ANO2: variants seen among roughly 807,000 people sequenced by gnomAD.
ANO2 encodes the protein anoctamin 2, also known as anoctamin-2.
Under a neutral mutation model 124.2 loss-of-function variants are expected in ANO2, and 101 were observed. The observed-to-expected ratio is 0.81, with a 90% CI of 0.69 to 0.96. ANO2 has a LOEUF of 0.96. Ranked by LOEUF, ANO2 falls within the 40% of genes least tolerant of loss-of-function variation. ANO2 has a pLI of 0.00. For missense variants in ANO2, 1,293 were observed against 1,274.5 expected, an observed-to-expected ratio of 1.01 and a Z score of -0.22; for synonymous variants, 486 against 482.5, an observed-to-expected ratio of 1.01 and a Z score of -0.09.
intron 14 of ANO2, among the ~76,000 whole-genome samples, chr12:5,707,115 T>C (rs192354842): frequency 5.9e-5 from 9 of 152,320 alleles, no homozygotes; most frequent in Non-Finnish European, 1.3e-4. Flanking sequence ...GGTGACTGAA[T>C]CATGGGGACG....
chr12:5,833,359 A>G (rs560753330), intron 4 of ANO2, among the ~76,000 whole-genome samples: 20 of 152,268 alleles, frequency 1.3e-4, no homozygotes, highest in African/African-American at 4.1e-4. Flanking sequence ...TGAGACACAG[A>G]AGTTGTATTT....
At chr12:5,738,755 T>C (rs534067952) in intron 13 of ANO2, among the ~76,000 whole-genome samples, 11 of 152,074 alleles carry the variant, frequency 7.2e-5, no homozygotes, top group Non-Finnish European at 1.6e-4. Context: ...GGCTGATTTA[T>C]TTGCATTATT....
At chr12:5,726,179 G>A (rs528743838) in intron 14 of ANO2, among the ~76,000 whole-genome samples, 10 of 150,834 alleles carry the variant, frequency 6.6e-5, no homozygotes, top group Middle Eastern at 3.5e-3. Context: ...TAAAAGTTCC[G>A]GACTCAGTAT....
chr12:5,611,950 G>A (rs1944566259), intron 19 of ANO2, among the ~76,000 whole-genome samples: 1 of 152,156 alleles, frequency 6.6e-6, no homozygotes, highest in Admixed American at 6.5e-5. Context: ...CTGATGCTGG[G>A]CTGCCTAAAA....
In ANO2 at chr12:5,945,204, C is replaced by T. The variant is rs1943053490; in HGVS notation, c.14G>A (p.Gly5Glu). Residue 5 changes from glycine to glutamate, a missense_variant, in exon 1 of 25, where the codon GGG becomes GAG. By Grantham distance (98) the Gly-to-Glu change is moderately conservative. Transcript: ENST00000682330. ...CCAGCCGGAAAACTCACCGCGCGGC[C>T]CGGGAGTCGCCATGATGTGGACGCA... MATPGPRDIPLLPGS... is the reference protein window; with the variant it reads MATPEPRDIPLLPGS... 2.3e-6 allele frequency: 3 copies of T among 1,288,696 alleles called. No individual in the cohort carries two copies. Among genetic ancestry groups the T allele is most frequent in the Non-Finnish European group, 3.0e-6 (3 of 988,232 alleles). The allele number at this position is 1,288,696 out of a possible 1,614,324, so 79.8% of individuals were successfully genotyped here. A position where few individuals can be genotyped will look rare whatever the true frequency, so the allele number is the denominator to read the frequency against.
chr12:5,652,974 A>G (rs916855852), intron 14 of ANO2, among the ~76,000 whole-genome samples: 3 of 152,188 alleles, frequency 2.0e-5, no homozygotes, highest in Non-Finnish European at 4.4e-5. Context: ...AGATTCTCCT[A>G]GGTTTTTAAT....
chr12:5,828,094 G>A (rs1015156572), intron 6 of ANO2, among the ~76,000 whole-genome samples: 1 of 152,190 alleles, frequency 6.6e-6, no homozygotes, highest in African/African-American at 2.4e-5. Flanking sequence ...AGAAATGGAC[G>A]GCAGTCACAG....
chr12:5,869,445 A>G (rs188031444), intron 3 of ANO2, among the ~76,000 whole-genome samples: 1 of 152,336 alleles, frequency 6.6e-6, no homozygotes, highest in African/African-American at 2.4e-5. Context: ...AGCAAAGCCC[A>G]GGGTAAATCT....
chr12:5,935,701 A>G (rs1648475406), intron 1 of ANO2, among the ~76,000 whole-genome samples: 1 of 152,214 alleles, frequency 6.6e-6, no homozygotes, highest in African/African-American at 2.4e-5. Context: ...TTAAAATATT[A>G]GGATTCCGCA....
intron 10 of ANO2, among the ~76,000 whole-genome samples, chr12:5,767,186 T>G (rs1951919339): frequency 6.6e-6 from 1 of 152,178 alleles, no homozygotes; most frequent in African/African-American, 2.4e-5. Context: ...TCCTGGTCCC[T>G]CAGGAGACGG....
At chr12:5,914,768 C>G (rs1322149721) in intron 3 of ANO2, among the ~76,000 whole-genome samples, 1 of 152,154 alleles carries the variant, frequency 6.6e-6, no homozygotes, top group Admixed American at 6.6e-5. Flanking sequence ...GATTTCAGGG[C>G]CTGCAAGGTG....
At chr12:5,800,915 G>A (rs1953017981) in intron 9 of ANO2, among the ~76,000 whole-genome samples, 1 of 152,184 alleles carries the variant, frequency 6.6e-6, no homozygotes, top group Non-Finnish European at 1.5e-5. Context: ...GATGCCTGAG[G>A]TCTGGGCCCT....
intron 19 of ANO2, among the ~76,000 whole-genome samples, chr12:5,610,101 ATATTT>A (rs1944422543): frequency 1.5e-5 from 2 of 133,114 alleles, no homozygotes; most frequent in South Asian, 4.4e-4. Flanking sequence ...TATTTATATT[ATATTT>A]TATTTTTTAA....
chr12:5,790,135 C>G (rs552722922), intron 10 of ANO2, among the ~76,000 whole-genome samples: 1 of 152,322 alleles, frequency 6.6e-6, no homozygotes, highest in African/African-American at 2.4e-5. Context: ...CATCATGCAG[C>G]CTAGAGATTT....
Position 5,862,445 on chromosome 12 carries a change from C to G in ANO2, c.535-8304G>C, listed in dbSNP as rs748854157. On this transcript the variant is annotated intron_variant, in intron 3 of 24. Transcript: ENST00000682330. The surrounding 1 kb of genome is among the most constrained non-coding windows in gnomAD (Gnocchi z 4.0). ...TTCTGGGTGCCAACCTGGACAGACA[C>G]GCAGAACGGGTGATCTCTGGACCTA... Among the ~76,000 whole-genome samples, 1 of 152,216 alleles carries G rather than the reference C, an allele frequency of 6.6e-6. No individual in the cohort carries two copies. Among genetic ancestry groups the G allele is most frequent in the Non-Finnish European group, 1.5e-5 (1 of 68,046 alleles).
intron 14 of ANO2, among the ~76,000 whole-genome samples, chr12:5,723,996 C>A (rs1950337658): frequency 6.6e-6 from 1 of 152,062 alleles, no homozygotes; most frequent in Non-Finnish European, 1.5e-5. Context: ...AGAACCCAGG[C>A]CATTTTCTGC....
At chr12:5,620,972 C>G (rs1257049265) in intron 16 of ANO2, among the ~76,000 whole-genome samples, 1 of 152,134 alleles carries the variant, frequency 6.6e-6, no homozygotes, top group Non-Finnish European at 1.5e-5. Flanking sequence ...TTGTGCATAT[C>G]AGGTCCTCAC....
rs575499017 is a variant in ANO2 at position 5,781,763 on chromosome 12, G to C, written c.1055+17744C>G. ...AAGGCAGCAGGCAAGATGACCTGTT[G>C]GTTGGCCTTTTTGTTAATGATCTGT... is the stretch of plus-strand genomic sequence containing the variant. On this transcript the variant is annotated intron_variant, in intron 10 of 24. Transcript: ENST00000682330. Among the ~76,000 whole-genome samples the C allele has an allele frequency of 1.3e-3, 197 of 152,320 alleles. 2 individuals carry two copies. The South Asian group carries it at 0.039, about 30-fold the overall frequency.
intron 14 of ANO2, among the ~76,000 whole-genome samples, chr12:5,649,678 C>T (rs565726014): frequency 6.0e-4 from 92 of 152,284 alleles, no homozygotes; most frequent in African/African-American, 2.1e-3. Context: ...GATCTTGGCT[C>T]ACTGCAACCT....
Sources: gnomAD v4.1 joint callset for allele counts (sites outside exome capture counted in the v4.1 genomes callset) on GRCh38, gnomAD v4.1.1 for gene constraint, Gnocchi (gnomAD v3.1) non-coding constraint, MANE v1.5 for transcripts, NCBI Gene and HGNC (gene_info 2026-07-23, HGNC 2026-07-21) for gene names.